Variants in INSL6 observed in about 807,000 individuals in gnomAD.
INSL6 encodes insulin like 6.
In INSL6, 16 loss-of-function variants were observed where a neutral mutation model predicts 9.4. That is an observed-to-expected ratio of 1.70 (90% CI 1.15 to 2.59). The LOEUF is 2.59. Ranked by LOEUF, INSL6 falls within the 30% of genes most tolerant of loss-of-function variation. The pLI is 0.00. For missense variants in INSL6, 391 were observed against 257.3 expected (o/e 1.52, Z -3.56); for synonymous variants, 154 against 96.9 (o/e 1.59, Z -3.46).
chr9:5,092,361 A>G, the INSL6 span, among the ~76,000 whole-genome samples: 2 of 152,148 alleles, frequency 1.3e-5, no homozygotes, highest in Admixed American at 6.5e-5. Flanking sequence ...AATAGAGGAG[A>G]TAAGTCGTAA....
the INSL6 span, among the ~76,000 whole-genome samples, chr9:5,016,992 TAAAG>T: frequency 6.6e-6 from 1 of 152,184 alleles, no homozygotes; most frequent in South Asian, 2.1e-4. Flanking sequence ...TTGATCAAGA[TAAAG>T]AAGAATCTAC....
chr9:5,021,089 C>T, the INSL6 span, among the ~76,000 whole-genome samples: 3 of 152,106 alleles, frequency 2.0e-5, no homozygotes, highest in Non-Finnish European at 4.4e-5. Flanking sequence ...ATGTGGGCCA[C>T]TGGGAGTCTC....
intron 2 of INSL6, among the ~76,000 whole-genome samples, chr9:5,141,359 C>T (rs1824494751): frequency 6.6e-6 from 1 of 152,058 alleles, no homozygotes; most frequent in Admixed American, 6.5e-5. Context: ...ACAACCTCAC[C>T]AGCATATGTG....
the INSL6 span, chr9:5,041,028 C>G: frequency 1.3e-5 from 9 of 669,562 alleles, no homozygotes; most frequent in Admixed American, 4.2e-5. Flanking sequence ...ACCTGGGTAC[C>G]GGTTCTACAA....
chr9:5,163,521 ATGGGTCGACATCT>A (rs1824972063), downstream of INSL6, among the ~76,000 whole-genome samples: 1 of 152,190 alleles, frequency 6.6e-6, no homozygotes, highest in Admixed American at 6.5e-5. Context: ...GGTGGGACAG[ATGGGTCGACATCT>A]TGGAGTAAGT....
At chr9:5,069,134 G>T in the INSL6 span, 572 of 1,613,230 alleles carry the variant, frequency 3.5e-4, 1 homozygote, top group African/African-American at 6.5e-3. Context: ...CTTTTGAATT[G>T]TTACCAGATG....
chr9:5,084,889 C>G, the INSL6 span: 2 of 428,440 alleles, frequency 4.7e-6, no homozygotes, highest in Admixed American at 6.2e-5. Flanking sequence ...AGTTTGATAT[C>G]TTTTAAAATG....
the INSL6 span, chr9:5,085,616 C>A: frequency 1.4e-6 from 1 of 702,358 alleles, no homozygotes; most frequent in Non-Finnish European, 2.6e-6. Context: ...ATTAAATCTC[C>A]AGCAAGGACA....
chr9:5,150,739 T>TACC (rs1824694405), intron 2 of INSL6, among the ~76,000 whole-genome samples: 2 of 151,958 alleles, frequency 1.3e-5, no homozygotes, highest in African/African-American at 2.4e-5. Context: ...AAGGAAATCA[T>TACC]TATAGCAAAA....
the INSL6 span, among the ~76,000 whole-genome samples, chr9:5,046,036 C>G: frequency 0.024 from 3,647 of 152,262 alleles, 81 homozygotes; most frequent in Non-Finnish European, 0.04. Flanking sequence ...TCTCAACATC[C>G]TCAACAATGC....
chr9:5,068,410 A>G, the INSL6 span, among the ~76,000 whole-genome samples: 1 of 152,222 alleles, frequency 6.6e-6, no homozygotes, highest in Admixed American at 6.5e-5. Context: ...GGTGCAGTGG[A>G]ATGGCTGTAT....
the INSL6 span, among the ~76,000 whole-genome samples, chr9:5,078,110 T>C: frequency 9.8e-5 from 15 of 152,334 alleles, no homozygotes; most frequent in African/African-American, 3.6e-4. Flanking sequence ...ATCACAAGCA[T>C]AGATTATTGT....
intron 3 of INSL6, chr9:5,125,922 T>C (rs1823960383): frequency 6.6e-6 from 1 of 152,316 alleles, no homozygotes; most frequent in African/African-American, 2.4e-5. Flanking sequence ...TTTAATTTTA[T>C]AAACTTTGAC....
the INSL6 span, among the ~76,000 whole-genome samples, chr9:4,998,979 G>T: frequency 6.6e-6 from 1 of 150,772 alleles, no homozygotes; most frequent in Non-Finnish European, 1.5e-5. Flanking sequence ...CCGCCACCAC[G>T]CCCGGCTATT....
At chr9:5,112,404 G>A in the INSL6 span, 1 of 462,478 alleles carries the variant, frequency 2.2e-6, no homozygotes, top group Non-Finnish European at 4.0e-6. Flanking sequence ...GGAGGAGGAG[G>A]ATGAGGAGAA....
At chr9:5,040,855 G>T in the INSL6 span, 1 of 227,934 alleles carries the variant, frequency 4.4e-6, no homozygotes, top group African/African-American at 2.4e-5. Flanking sequence ...GCGCGAGCAG[G>T]AGAGGGGCCG....
the INSL6 span, among the ~76,000 whole-genome samples, chr9:5,000,017 T>C: frequency 6.6e-6 from 1 of 152,236 alleles, no homozygotes; most frequent in Non-Finnish European, 1.5e-5. Context: ...CATTTTTATG[T>C]ACTTTTCTCT....
intron 1 of INSL6, among the ~76,000 whole-genome samples, chr9:5,172,299 G>C (rs1224056907): frequency 6.6e-6 from 1 of 151,972 alleles, no homozygotes; most frequent in Non-Finnish European, 1.5e-5. Flanking sequence ...ACACCTTATA[G>C]AAAAATTAAC....
rs569477191 is a variant in INSL6, at chr9:5,150,985, G to C, written c.376+13194C>G. 2.0e-5 allele frequency among the ~76,000 whole-genome samples: 3 copies of C among 152,198 alleles called. No homozygotes were observed. In the East Asian group the frequency reaches 5.8e-4, roughly 29 times the overall value. On this transcript the variant is annotated intron_variant, in intron 2 of 3. Coordinates refer to the INSL6 transcript ENST00000649639. ...ATATAAAATAACTAAGAAACAGAAA[G>C]TTAGATGCTGCCTGTTCTCACCTAA...
Sources: gnomAD v4.1 joint callset for allele counts (sites outside exome capture counted in the v4.1 genomes callset) on GRCh38, gnomAD v4.1.1 for gene constraint, MANE v1.5 for transcripts, NCBI Gene and HGNC (gene_info 2026-07-23, HGNC 2026-07-21) for gene names.